The following MOB3B variants were observed in gnomAD, a reference collection of about 807,000 sequenced individuals.
MOB3B encodes the protein MOB kinase activator 3B.
MOB3B carries 7 observed loss-of-function variants against 18.7 expected under a neutral mutation model. The ratio of observed to expected loss-of-function variants is 0.37; its 90% confidence interval spans 0.21 to 0.70. The LOEUF is 0.70. Among genes scored for constraint, MOB3B ranks in the 30% least tolerant of loss-of-function variants. The pLI is 0.52. For missense variants in MOB3B, 253 were observed against 281.3 expected, an observed-to-expected ratio of 0.90 and a Z score of 0.72; for synonymous variants, 111 against 99.9, an observed-to-expected ratio of 1.11 and a Z score of -0.66.
intron 2 of MOB3B, among the ~76,000 whole-genome samples, chr9:27,379,888 T>C (rs1821547761): frequency 6.6e-6 from 1 of 152,242 alleles, no homozygotes. Context: ...AAAGTGTACC[T>C]AGGTAAATCT....
chr9:27,507,780 T>C (rs1462437319), intron 1 of MOB3B, among the ~76,000 whole-genome samples: 2 of 152,182 alleles, frequency 1.3e-5, no homozygotes, highest in Non-Finnish European at 2.9e-5. Flanking sequence ...GCTCAAAAAA[T>C]ATCTTTTGAA....
Position 27,330,229 on chromosome 9 carries a change from A to G in MOB3B, c.*358T>C, listed in dbSNP as rs186377252. On this transcript the variant is annotated 3_prime_UTR_variant, in exon 4 of 4. Coordinates refer to ENST00000262244, the MANE Select transcript of MOB3B (RefSeq NM_024761.5). The stretch of plus-strand genomic sequence containing the variant: ...GATAAGTGGAAAAATACGAACACGC[A>G]TCTCAGTCTCAAAACCTGAATTCCA... 7.2e-5 allele frequency: 14 copies of G among 195,066 alleles called. No homozygotes were observed. In the East Asian group the frequency reaches 1.3e-3, roughly 18 times the overall value. The allele number at this position is 195,066 out of a possible 1,614,324, so 12.1% of individuals were successfully genotyped here. A position where few individuals can be genotyped will look rare whatever the true frequency, so the allele number is the denominator to read the frequency against.
chr9:27,391,575 G>A (rs1821728760), intron 2 of MOB3B, among the ~76,000 whole-genome samples: 1 of 152,196 alleles, frequency 6.6e-6, no homozygotes, highest in Admixed American at 6.5e-5. Context: ...GAAAGTAAGT[G>A]TTTACACTAA....
At chr9:27,363,108 G>C (rs560303541) in intron 2 of MOB3B, among the ~76,000 whole-genome samples, 26 of 152,274 alleles carry the variant, frequency 1.7e-4, no homozygotes, top group African/African-American at 6.0e-4. Flanking sequence ...ATTTGAGGTG[G>C]TTTTCTTTCT....
rs921589026 is a variant in MOB3B at position 27,425,493 on chromosome 9, A to C, written c.418+29640T>G. Among the ~76,000 whole-genome samples, 54 of 152,216 alleles carry C rather than the reference A, an allele frequency of 3.5e-4. 1 individual carries two copies. Among genetic ancestry groups the C allele is most frequent in the African/African-American group, 1.3e-3 (54 of 41,462 alleles). ...TGGTGCTGTGATACATATAGTACCC[A>C]TTACATAACACCCCCAGCAGAGCCT... On this transcript the variant is annotated intron_variant, in intron 2 of 3. Transcript: ENST00000262244.
intron 2 of MOB3B, among the ~76,000 whole-genome samples, chr9:27,373,017 G>A (rs367785737): frequency 1.3e-5 from 2 of 152,178 alleles, no homozygotes; most frequent in South Asian, 2.1e-4. Flanking sequence ...TTTATATTAA[G>A]AGTTTATTTA....
intron 2 of MOB3B, among the ~76,000 whole-genome samples, chr9:27,398,794 C>A (rs529056759): frequency 2.0e-5 from 3 of 152,128 alleles, no homozygotes; most frequent in Non-Finnish European, 4.4e-5. Flanking sequence ...TTAAAAGTCA[C>A]GTATAATCTG....
intron 2 of MOB3B, among the ~76,000 whole-genome samples, chr9:27,432,633 C>T (rs1229840905): frequency 1.3e-5 from 2 of 152,068 alleles, no homozygotes; most frequent in African/African-American, 2.4e-5. Flanking sequence ...CATAATAGAA[C>T]GTTAGTATTT....
intron 1 of MOB3B, among the ~76,000 whole-genome samples, chr9:27,457,143 G>A (rs1819186211): frequency 6.6e-6 from 1 of 152,148 alleles, no homozygotes. Context: ...TCTCTACATG[G>A]CCATATATTC....
chr9:27,395,832 C>A (rs1213239237), intron 2 of MOB3B, among the ~76,000 whole-genome samples: 1 of 152,124 alleles, frequency 6.6e-6, no homozygotes, highest in Non-Finnish European at 1.5e-5. Context: ...TGTTGCTCCT[C>A]AGTGGCATCT....
chr9:27,331,671 C>T (rs568174266), intron 3 of MOB3B, among the ~76,000 whole-genome samples: 2 of 152,324 alleles, frequency 1.3e-5, no homozygotes, highest in South Asian at 4.1e-4. Flanking sequence ...TAGTAATGAG[C>T]CCTGTGCCAT....
intron 2 of MOB3B, among the ~76,000 whole-genome samples, chr9:27,385,656 C>T (rs1315771014): frequency 6.6e-6 from 1 of 152,238 alleles, no homozygotes; most frequent in Non-Finnish European, 1.5e-5. Context: ...TTCTGCAGGG[C>T]AGGTCCAGGA....
chr9:27,390,950 A>ATGC (rs780089610), intron 2 of MOB3B, among the ~76,000 whole-genome samples: 7 of 152,192 alleles, frequency 4.6e-5, no homozygotes, highest in Non-Finnish European at 8.8e-5. Context: ...GAACCTGACC[A>ATGC]TGCTGGCATC....
intron 1 of MOB3B, among the ~76,000 whole-genome samples, chr9:27,496,286 T>C (rs1281107166): frequency 6.9e-6 from 1 of 145,066 alleles, no homozygotes; most frequent in Non-Finnish European, 1.6e-5. Flanking sequence ...TGCCAGGAGA[T>C]AGAAACCTGT....
At chr9:27,370,795 T>C (rs2131366779) in intron 2 of MOB3B, among the ~76,000 whole-genome samples, 1 of 152,196 alleles carries the variant, frequency 6.6e-6, no homozygotes, top group East Asian at 1.9e-4. Context: ...TGTGCGGGAG[T>C]GGTGAAGAGC....
At chr9:27,522,008 C>G (rs771149946) in intron 1 of MOB3B, among the ~76,000 whole-genome samples, 2 of 151,674 alleles carry the variant, frequency 1.3e-5, no homozygotes, top group African/African-American at 4.8e-5. Context: ...TTTGGGAGGC[C>G]GAGGCGGTCG....
chr9:27,497,787 C>A (rs1001763964), intron 1 of MOB3B, among the ~76,000 whole-genome samples: 1 of 152,142 alleles, frequency 6.6e-6, no homozygotes, highest in Admixed American at 6.5e-5. Context: ...AGTTAACTTA[C>A]CACATACATT....
At chr9:27,461,063 C>G (rs895299445) in intron 1 of MOB3B, among the ~76,000 whole-genome samples, 1 of 152,198 alleles carries the variant, frequency 6.6e-6, no homozygotes, top group East Asian at 1.9e-4. Context: ...ATGAGCTGCT[C>G]CATTCCTCTG....
intron 1 of MOB3B, among the ~76,000 whole-genome samples, chr9:27,474,342 G>C (rs1451346315): frequency 6.6e-6 from 1 of 152,140 alleles, no homozygotes; most frequent in Non-Finnish European, 1.5e-5. Flanking sequence ...CCTCCCAGAA[G>C]CTCATGAGTT....
Sources: gnomAD v4.1 joint callset for allele counts (sites outside exome capture counted in the v4.1 genomes callset) on GRCh38, gnomAD v4.1.1 for gene constraint, MANE v1.5 for transcripts, NCBI Gene and HGNC (gene_info 2026-07-23, HGNC 2026-07-21) for gene names.